The following RAB30 variants were observed in gnomAD, a reference collection of about 807,000 sequenced individuals.
The protein encoded by RAB30 is ras-related protein Rab-30.
A neutral mutation model predicts 25.1 loss-of-function variants in RAB30; 9 were observed. The observed-to-expected ratio is 0.36, with a 90% CI of 0.22 to 0.63. RAB30 has a LOEUF of 0.63. Ranked by LOEUF, RAB30 falls within the 20% of genes least tolerant of loss-of-function variation. RAB30 has a pLI of 0.69. For missense variants in RAB30, 140 were observed against 243.5 expected (o/e 0.58, Z 2.83); for synonymous variants, 77 against 86.4 (o/e 0.89, Z 0.60).
intron 1 of RAB30, among the ~76,000 whole-genome samples, chr11:83,044,476 G>A (rs1235065549): frequency 6.6e-6 from 1 of 152,028 alleles, no homozygotes. Context: ...GGCAAACAAA[G>A]CCCATTCTCT....
chr11:83,063,790 A>C (rs1858634667), intron 1 of RAB30, among the ~76,000 whole-genome samples: 1 of 152,202 alleles, frequency 6.6e-6, no homozygotes, highest in Non-Finnish European at 1.5e-5. Flanking sequence ...CCCCTGAAAG[A>C]TATCTTACAG....
At chr11:83,041,435 G>T in intron 1 of RAB30, 1 of 193,976 alleles carries the variant, frequency 5.2e-6, no homozygotes, top group Middle Eastern at 5.1e-4. Context: ...GACAGTACAA[G>T]GTCAGAGACA....
At chr11:83,068,432 C>T (rs1280224198) in intron 1 of RAB30, among the ~76,000 whole-genome samples, 3 of 152,042 alleles carry the variant, frequency 2.0e-5, no homozygotes, top group Non-Finnish European at 2.9e-5. Context: ...CTGACCAAGT[C>T]TTTCCTTCAA....
intron 1 of RAB30, among the ~76,000 whole-genome samples, chr11:83,027,883 T>A (rs1023089172): frequency 2.6e-5 from 4 of 152,206 alleles, no homozygotes; most frequent in African/African-American, 9.7e-5. Flanking sequence ...GGCCATTTCA[T>A]ATAAATGAAA....
In RAB30 at chr11:83,057,201, GT is replaced by G. The variant is rs535383170; in HGVS notation, c.-9+14489del. ...GTTTTAAAATCCGGATCACTTGAGG[GT>G]TTTTTTTTTTTTTAGTGCTAAATCT... On this transcript the variant is annotated intron_variant, in intron 1 of 4. Coordinates refer to ENST00000527633, the MANE Select transcript of RAB30 (RefSeq NM_001286060.2). Among the ~76,000 whole-genome samples the G allele has an allele frequency of 4.9e-3, 679 of 138,116 alleles. 2 individuals carry two copies. The highest frequency in any genetic ancestry group is 5.0e-3 in the East Asian group (24 of 4,802). 90.6% of individuals were successfully genotyped at this position (138,116 alleles called of 152,430 possible). A position where few individuals can be genotyped will look rare whatever the true frequency, so the allele number is the denominator to read the frequency against.
rs1565265392 is a variant in RAB30, at chr11:82,981,900, A to G, written c.*265T>C. On this transcript the variant is annotated 3_prime_UTR_variant, in exon 5 of 5. Transcript: ENST00000527633. ...TTTTACTTGCTTTTTAAAAAAACAA[A>G]AGCAACATGCTCTGCAGATCATGGA... The G allele has an allele frequency of 2.2e-6, 1 of 452,688 alleles. No individual in the cohort carries two copies. The allele number at this position is 452,688 out of a possible 1,614,324, so 28.0% of individuals were successfully genotyped here.
chr11:83,046,476 C>T (rs148119390), intron 1 of RAB30, among the ~76,000 whole-genome samples: 74 of 152,228 alleles, frequency 4.9e-4, no homozygotes, highest in African/African-American at 1.6e-3. Context: ...TATCTCTACC[C>T]CCAGCTTAGA....
At position 83,056,487 on chromosome 11, in the gene RAB30, C is replaced by T. The variant is rs142241154; in HGVS notation, c.-9+15204G>A. On this transcript the variant is annotated intron_variant, in intron 1 of 4. Transcript: ENST00000527633. ...ATGGTGAATAATGCTGCTAGGTGAA[C>T]GCCTTAATCATAAAGATGTGTTTCA... Among the ~76,000 whole-genome samples, 533 of 152,262 alleles carry T rather than the reference C, an allele frequency of 3.5e-3. 10 individuals carry two copies. Among genetic ancestry groups the T allele is most frequent in the East Asian group, 6.0e-3 (31 of 5,192 alleles).
chr11:83,019,490 G>C (rs1590857179), intron 1 of RAB30, among the ~76,000 whole-genome samples: 1 of 152,098 alleles, frequency 6.6e-6, no homozygotes, highest in African/African-American at 2.4e-5. Context: ...TGCCTACCCT[G>C]TTTTACCATG....
intron 1 of RAB30, among the ~76,000 whole-genome samples, chr11:83,021,640 C>A (rs1429542312): frequency 6.6e-6 from 1 of 152,246 alleles, no homozygotes; most frequent in African/African-American, 2.4e-5. Context: ...GGCATGGGAT[C>A]CAGCCCGGTA....
intron 3 of RAB30, among the ~76,000 whole-genome samples, chr11:82,989,759 G>A (rs915847202): frequency 5.3e-5 from 8 of 152,192 alleles, no homozygotes; most frequent in African/African-American, 1.9e-4. Context: ...CTTCTCATAG[G>A]GGGCTGCCTG....
chr11:83,039,063 T>G (rs1858048429), intron 1 of RAB30: 1 of 152,100 alleles, frequency 6.6e-6, no homozygotes. Context: ...AAAACAAACT[T>G]CGACAAAGTT....
chr11:83,002,539 T>C (rs1379808459), intron 1 of RAB30, among the ~76,000 whole-genome samples: 1 of 151,590 alleles, frequency 6.6e-6, no homozygotes, highest in Non-Finnish European at 1.5e-5. Context: ...AAAAATGAAT[T>C]TTAAAAAGAT....
intron 1 of RAB30, among the ~76,000 whole-genome samples, chr11:83,001,533 G>T (rs1266789354): frequency 6.6e-6 from 1 of 152,116 alleles, no homozygotes; most frequent in East Asian, 1.9e-4. Context: ...AATAATGCAG[G>T]CTGTCTATGT....
chr11:83,063,382 G>A (rs1037787065), intron 1 of RAB30, among the ~76,000 whole-genome samples: 2 of 152,152 alleles, frequency 1.3e-5, no homozygotes, highest in South Asian at 2.1e-4. Context: ...GGTTGATGAC[G>A]TCCACATTTT....
intron 1 of RAB30, among the ~76,000 whole-genome samples, chr11:83,064,323 G>T (rs1040023728): frequency 3.9e-5 from 6 of 152,110 alleles, no homozygotes. Flanking sequence ...GCCCAGGCTG[G>T]TCTCAAAGTC....
At chr11:82,993,708 T>C (rs1054817775) in intron 3 of RAB30, among the ~76,000 whole-genome samples, 2 of 152,216 alleles carry the variant, frequency 1.3e-5, no homozygotes, top group East Asian at 3.8e-4. Context: ...GGGGCTGCTG[T>C]TTAGAGGAGG....
intron 1 of RAB30, among the ~76,000 whole-genome samples, chr11:83,062,408 G>T (rs950497433): frequency 6.6e-6 from 1 of 152,112 alleles, no homozygotes. Context: ...CACTCAGATG[G>T]TTCCACCTTT....
At chr11:83,064,922 C>T (rs1417501439) in intron 1 of RAB30, among the ~76,000 whole-genome samples, 1 of 151,954 alleles carries the variant, frequency 6.6e-6, no homozygotes, top group African/African-American at 2.4e-5. Flanking sequence ...TCTAGGATTA[C>T]ATGTTCCATT....
Sources: allele counts gnomAD v4.1 joint callset (sites outside exome capture counted in the v4.1 genomes callset), GRCh38; gene constraint gnomAD v4.1.1; transcripts MANE v1.5; gene names NCBI Gene and HGNC (gene_info 2026-07-23, HGNC 2026-07-21).